PACRG: variants seen among roughly 807,000 people sequenced by gnomAD.
PACRG encodes the protein parkin coregulated gene protein.
Under a neutral mutation model 29.7 loss-of-function variants are expected in PACRG, and 29 were observed. That is an observed-to-expected ratio of 0.98 (90% confidence interval 0.73 to 1.33). The LOEUF is 1.33. Among genes scored for constraint, PACRG ranks in the 40% most tolerant of loss-of-function variants. The probability of loss-of-function intolerance (pLI) is 0.00; values close to 1 mark genes in which losing one functional copy is unlikely to be tolerated. For missense variants in PACRG, 279 were observed against 316.2 expected, an observed-to-expected ratio of 0.88 and a Z score of 0.89; for synonymous variants, 116 against 118.7, an observed-to-expected ratio of 0.98 and a Z score of 0.15.
chr6:163,194,133 G>A (rs1221988364), intron 4 of PACRG, among the ~76,000 whole-genome samples: 1 of 152,030 alleles, frequency 6.6e-6, no homozygotes, highest in Non-Finnish European at 1.5e-5. Context: ...CCTCAAGTAA[G>A]ACTGTTTCTT....
chr6:163,062,225 T>C lies in PACRG; in HGVS notation c.367T>C (p.Tyr123His), dbSNP rs1811154685. Residue 123 changes from tyrosine to histidine, a missense_variant, in exon 3 of 5, where the codon TAT becomes CAT. Coordinates refer to ENST00000366888, the MANE Select transcript of PACRG (RefSeq NM_001080379.2). ...FDGLCEMTFP[Y>H]EFFARQGIHD... ...TGGGCTTTGTGAAATGACATTTCCC[T>C]ATGAGTTTTTTGCTCGGCAAGGAAT... is the stretch of plus-strand genomic sequence containing the variant. 6.2e-7 allele frequency: 1 copy of C among 1,614,214 alleles called. No individual in the cohort carries two copies. The highest frequency in any genetic ancestry group is 1.3e-5 in the African/African-American group (1 of 75,048).
chr6:162,890,599 G>T lies in PACRG; in HGVS notation c.291+76318G>T, dbSNP rs143977200. Among the ~76,000 whole-genome samples the T allele has an allele frequency of 1.4e-3, 210 of 152,272 alleles. 2 individuals are homozygous for T. The highest frequency in any genetic ancestry group is 4.6e-3 in the African/African-American group (190 of 41,552). On this transcript the variant is annotated intron_variant, in intron 2 of 4. Coordinates refer to ENST00000366888, the MANE Select transcript of PACRG (RefSeq NM_001080379.2). ...TCAGCGCCTTAGCTTCCCCTCCTCA[G>T]GGTCACTTAGAGAAGGAAATACTTC...
chr6:162,894,962 CA>C (rs1795052625), intron 2 of PACRG, among the ~76,000 whole-genome samples: 1 of 151,530 alleles, frequency 6.6e-6, no homozygotes, highest in Admixed American at 6.6e-5. Context: ...ACAAAAACAC[CA>C]AAAAAAGTCA....
intron 2 of PACRG, among the ~76,000 whole-genome samples, chr6:162,816,477 C>T (rs1288570242): frequency 2.0e-5 from 3 of 152,210 alleles, no homozygotes; most frequent in East Asian, 1.9e-4. Context: ...CTCAGCCTCC[C>T]GAGTAGCTGG....
chr6:162,902,830 A>T (rs1423658630), intron 2 of PACRG, among the ~76,000 whole-genome samples: 1 of 152,224 alleles, frequency 6.6e-6, no homozygotes, highest in African/African-American at 2.4e-5. Context: ...TATTCCTCTT[A>T]TCAATTTGAC....
chr6:163,275,932 A>C (rs536117441), intron 4 of PACRG, among the ~76,000 whole-genome samples: 5 of 152,220 alleles, frequency 3.3e-5, no homozygotes, highest in Non-Finnish European at 4.4e-5. Context: ...CCGGCTGAGC[A>C]GCTGAGGACT....
chr6:162,744,382 G>A (rs1780827413), intron 1 of PACRG, among the ~76,000 whole-genome samples: 1 of 152,116 alleles, frequency 6.6e-6, no homozygotes, highest in South Asian at 2.1e-4. Flanking sequence ...AGGATTGCTT[G>A]AGGCTACAGT....
At chr6:163,043,500 C>T (rs938728837) in intron 2 of PACRG, among the ~76,000 whole-genome samples, 12 of 151,800 alleles carry the variant, frequency 7.9e-5, no homozygotes, top group African/African-American at 1.5e-4. Flanking sequence ...TGCAGTGAGC[C>T]GAGATCGCAC....
intron 4 of PACRG, among the ~76,000 whole-genome samples, chr6:163,235,810 A>C (rs1176267689): frequency 6.6e-6 from 1 of 152,146 alleles, no homozygotes; most frequent in Non-Finnish European, 1.5e-5. Context: ...TCTCTTTTTC[A>C]ATTCTGCCCT....
Position 162,728,376 on chromosome 6 carries a change from G to C in PACRG, c.141G>C (p.Met47Ile). 3 of 1,612,778 alleles carry C rather than the reference G, an allele frequency of 1.9e-6. No individual in the cohort carries two copies. Among genetic ancestry groups the C allele is most frequent in the Non-Finnish European group, 2.5e-6 (3 of 1,179,988 alleles). The change falls in exon 1 of 5, where the codon ATG becomes ATC. Residue 47 changes from methionine to isoleucine, a missense_variant. Transcript: ENST00000366888. ...CTGAGGGTTTCACAGTCAAAGCCAT[G>C]ATGAAAAACTCAGTCGTAAGTGATC... ...LVSEGFTVKA[M>I]MKNSVVRGPP...
intron 2 of PACRG, among the ~76,000 whole-genome samples, chr6:163,039,947 A>C (rs1221856567): frequency 6.6e-6 from 1 of 152,264 alleles, no homozygotes; most frequent in Non-Finnish European, 1.5e-5. Flanking sequence ...AGAAATGTGC[A>C]TAAGTAATGA....
chr6:162,903,788 C>G (rs1193961083), intron 2 of PACRG, among the ~76,000 whole-genome samples: 2 of 152,122 alleles, frequency 1.3e-5, no homozygotes, highest in African/African-American at 2.4e-5. Context: ...GGAAACTGCC[C>G]CCAAATACCC....
intron 1 of PACRG, among the ~76,000 whole-genome samples, chr6:162,813,280 A>G (rs1218856850): frequency 6.6e-6 from 1 of 152,072 alleles, no homozygotes; most frequent in African/African-American, 2.4e-5. Flanking sequence ...AAGCTAATAT[A>G]TAAAATGACT....
At chr6:162,995,466 T>C (rs1180456639) in intron 2 of PACRG, among the ~76,000 whole-genome samples, 3 of 152,168 alleles carry the variant, frequency 2.0e-5, no homozygotes, top group Admixed American at 6.5e-5. Flanking sequence ...TAAGCCGGTC[T>C]GAAAAGCGCA....
chr6:162,853,395 C>T lies in PACRG; in HGVS notation c.291+39114C>T, dbSNP rs974389473. On this transcript the variant is annotated intron_variant, in intron 2 of 4. Transcript: ENST00000366888. This position sits in a 1 kb window ranked among gnomAD's most constrained non-coding sequence, Gnocchi z 4.7. ...CTGACTTACCGTACGTTTTAACTTTCCTGATATCCTACCATTATGTGTTAC... is the reference window on the plus strand; with the variant it reads ...CTGACTTACCGTACGTTTTAACTTTTCTGATATCCTACCATTATGTGTTAC... Among the ~76,000 whole-genome samples the T allele has an allele frequency of 2.0e-5, 3 of 152,158 alleles. No individual in the cohort carries two copies. The highest frequency in any genetic ancestry group is 6.5e-5 in the Admixed American group (1 of 15,280).
chr6:163,299,610 G>T (rs375123554), intron 4 of PACRG, among the ~76,000 whole-genome samples: 1 of 152,230 alleles, frequency 6.6e-6, no homozygotes, highest in African/African-American at 2.4e-5. Flanking sequence ...GGCCGGGCAC[G>T]GTGCTCGTGC....
intron 4 of PACRG, among the ~76,000 whole-genome samples, chr6:163,157,902 T>G (rs531811315): frequency 6.6e-6 from 1 of 152,216 alleles, no homozygotes; most frequent in Non-Finnish European, 1.5e-5. Flanking sequence ...TACTCCTTAG[T>G]AGACAACTAA....
intron 2 of PACRG, among the ~76,000 whole-genome samples, chr6:162,837,179 C>T (rs936987495): frequency 8.6e-5 from 13 of 151,996 alleles, no homozygotes; most frequent in South Asian, 4.2e-4. Flanking sequence ...CATTGTCCTG[C>T]GTAGATAGTG....
At chr6:162,970,237 C>T (rs147549958) in intron 2 of PACRG, among the ~76,000 whole-genome samples, 139 of 152,294 alleles carry the variant, frequency 9.1e-4, no homozygotes, top group African/African-American at 3.2e-3. Flanking sequence ...GCAGATGCCA[C>T]CTATCCCCAG....
Sources: gnomAD v4.1 joint callset for allele counts (sites outside exome capture counted in the v4.1 genomes callset) on GRCh38, gnomAD v4.1.1 for gene constraint, Gnocchi (gnomAD v3.1) non-coding constraint, MANE v1.5 for transcripts, NCBI Gene and HGNC (gene_info 2026-07-23, HGNC 2026-07-21) for gene names.